SRBD1: variants seen among roughly 807,000 people sequenced by gnomAD.
The protein encoded by SRBD1 is S1 RNA binding domain 1, also known as S1 RNA-binding domain-containing protein 1.
SRBD1 carries 88 observed loss-of-function variants against 115.3 expected under a neutral mutation model. The ratio of observed to expected loss-of-function variants is 0.76; its 90% confidence interval spans 0.64 to 0.91. The LOEUF (loss-of-function observed/expected upper bound fraction) is 0.91, where lower values mean the gene tolerates loss of function less well. SRBD1 is among the 40% of genes least tolerant of loss of function. The pLI is 0.00. For synonymous variants in SRBD1, 509 were observed against 407.7 expected (o/e 1.25, Z -2.99); for missense variants, 1,385 against 1,177.4 (o/e 1.18, Z -2.58).
rs1672167039 is a variant in SRBD1 at position 45,547,733 on chromosome 2, G to GCC, written c.1676-122_1676-121insGG. 1.1e-4 allele frequency: 79 copies of GCC among 704,148 alleles called. 1 individual carries two copies. The South Asian group carries it at 1.5e-3, about 14-fold the overall frequency. The allele number at this position is 704,148 out of a possible 1,614,324, so 43.6% of individuals were successfully genotyped here. ...TGGCTTGTTTTTTATAATGAAGTCTGAACTATTCATATTCACTAAATCAGA... is the reference window on the plus strand; with the variant it reads ...TGGCTTGTTTTTTATAATGAAGTCTGCCAACTATTCATATTCACTAAATCAGA... On this transcript the variant is annotated intron_variant, in intron 12 of 20. Coordinates refer to ENST00000263736, the MANE Select transcript of SRBD1 (RefSeq NM_018079.5).
At chr2:45,578,702 G>A (rs187617453) in intron 7 of SRBD1, among the ~76,000 whole-genome samples, 68 of 152,280 alleles carry the variant, frequency 4.5e-4, no homozygotes, top group Non-Finnish European at 8.5e-4. Context: ...GGAGGTGGGG[G>A]CGGGGTGGAA....
At chr2:45,543,110 C>T (rs907559313) in intron 14 of SRBD1, among the ~76,000 whole-genome samples, 3 of 152,188 alleles carry the variant, frequency 2.0e-5, no homozygotes, top group Admixed American at 6.5e-5. Flanking sequence ...GAATTTTTCA[C>T]GAACATTTTC....
At chr2:45,539,603 C>T (rs749109163) in intron 14 of SRBD1, among the ~76,000 whole-genome samples, 2 of 152,170 alleles carry the variant, frequency 1.3e-5, no homozygotes, top group South Asian at 4.1e-4. Context: ...GAATATGGAA[C>T]TATAAGCCAT....
At chr2:45,575,479 T>C (rs1328625452) in intron 7 of SRBD1, among the ~76,000 whole-genome samples, 3 of 152,246 alleles carry the variant, frequency 2.0e-5, no homozygotes, top group African/African-American at 4.8e-5. Context: ...GAAACGTTTT[T>C]TGCACTAAAC....
At chr2:45,455,057 C>T (rs1669111534) in intron 16 of SRBD1, among the ~76,000 whole-genome samples, 1 of 151,858 alleles carries the variant, frequency 6.6e-6, no homozygotes, top group Non-Finnish European at 1.5e-5. Context: ...ACCCACCACA[C>T]ACACAATTCC....
intron 19 of SRBD1, among the ~76,000 whole-genome samples, chr2:45,411,151 G>C (rs1667590366): frequency 6.6e-6 from 1 of 152,126 alleles, no homozygotes; most frequent in Admixed American, 6.5e-5. Flanking sequence ...GGTAGATAGT[G>C]TCAGAAATTA....
intron 19 of SRBD1, among the ~76,000 whole-genome samples, chr2:45,403,755 G>A (rs1386490062): frequency 1.3e-5 from 2 of 152,054 alleles, no homozygotes; most frequent in African/African-American, 4.8e-5. Context: ...GTATGGTGGA[G>A]TAACCAAGGG....
At chr2:45,573,476 A>G in intron 8 of SRBD1, 134 bp from the exon 9 acceptor site, 1 of 995,614 alleles carries the variant, frequency 1.0e-6, no homozygotes, top group Non-Finnish European at 1.4e-6. Flanking sequence ...CCCAGCTATG[A>G]AATTGATATT....
chr2:45,589,934 A>C (rs1673665735), intron 4 of SRBD1, among the ~76,000 whole-genome samples: 1 of 152,214 alleles, frequency 6.6e-6, no homozygotes, highest in Non-Finnish European at 1.5e-5. Flanking sequence ...TCATACTCTG[A>C]CAGAAGTGTA....
At chr2:45,513,343 T>TGTAGTCTA (rs1397032151) in intron 14 of SRBD1, among the ~76,000 whole-genome samples, 3 of 152,122 alleles carry the variant, frequency 2.0e-5, no homozygotes. Flanking sequence ...ATATATGGTA[T>TGTAGTCTA]GTAGTCTAGT....
intron 14 of SRBD1, among the ~76,000 whole-genome samples, chr2:45,504,630 AACAGGT>A (rs1259316770): frequency 2.0e-5 from 3 of 152,190 alleles, no homozygotes; most frequent in Admixed American, 2.0e-4. Flanking sequence ...TCCTTCCTTA[AACAGGT>A]AGCTATCAAT....
Position 45,534,051 on chromosome 2 carries a change from A to C in SRBD1, c.1874+12681T>G, listed in dbSNP as rs554963797. Among the ~76,000 whole-genome samples, 3 of 152,150 alleles carry C rather than the reference A, an allele frequency of 2.0e-5. No individual in the cohort carries two copies. The East Asian group carries it at 5.8e-4, about 29-fold the overall frequency. ...GTGGGGTAACTCCTGCAGATATTTA[A>C]ATTGGACTTACGAACACAAAAACAC... is the stretch of plus-strand genomic sequence containing the variant. On this transcript the variant is annotated intron_variant, in intron 14 of 20. Transcript: ENST00000263736.
chr2:45,455,784 G>T (rs1006448697), intron 16 of SRBD1, among the ~76,000 whole-genome samples: 1 of 151,750 alleles, frequency 6.6e-6, no homozygotes, highest in African/African-American at 2.4e-5. Context: ...AATAACAGTG[G>T]TGATTTTGTG....
intron 14 of SRBD1, among the ~76,000 whole-genome samples, chr2:45,520,227 T>C (rs1000756538): frequency 3.9e-5 from 6 of 152,230 alleles, no homozygotes; most frequent in African/African-American, 1.2e-4. Flanking sequence ...GGTACTTTTG[T>C]GCTGTTACTG....
intron 18 of SRBD1, among the ~76,000 whole-genome samples, chr2:45,415,411 T>TATAGTGTGTATATGTGTATATACACAC (rs1667786742): frequency 8.9e-6 from 1 of 111,984 alleles, no homozygotes; most frequent in African/African-American, 4.1e-5. Flanking sequence ...TATACACACA[T>TATAGTGTGTATATGTGTATATACACAC]ATAGTGTGTA....
chr2:45,456,748 C>G (rs1441665720), intron 16 of SRBD1, among the ~76,000 whole-genome samples: 3 of 151,834 alleles, frequency 2.0e-5, no homozygotes, highest in African/African-American at 7.2e-5. Flanking sequence ...ATCTATAACC[C>G]TGTGTCAACA....
intron 9 of SRBD1, among the ~76,000 whole-genome samples, chr2:45,568,184 A>G (rs1028347947): frequency 6.6e-6 from 1 of 152,354 alleles, no homozygotes; most frequent in Non-Finnish European, 1.5e-5. Flanking sequence ...TTACAAATTC[A>G]TGTGGTAGAA....
At chr2:45,489,632 C>G (rs1196662079) in intron 14 of SRBD1, among the ~76,000 whole-genome samples, 1 of 152,110 alleles carries the variant, frequency 6.6e-6, no homozygotes, top group Non-Finnish European at 1.5e-5. Flanking sequence ...ACAATAACAG[C>G]TGAGTGCATA....
At chr2:45,494,643 C>T (rs925588080) in intron 14 of SRBD1, among the ~76,000 whole-genome samples, 1 of 152,012 alleles carries the variant, frequency 6.6e-6, no homozygotes, top group African/African-American at 2.4e-5. Context: ...TGGTCCTTGC[C>T]CTCTTGAATT....
Sources: allele counts gnomAD v4.1 joint callset (sites outside exome capture counted in the v4.1 genomes callset), GRCh38; gene constraint gnomAD v4.1.1; transcripts MANE v1.5; gene names NCBI Gene and HGNC (gene_info 2026-07-23, HGNC 2026-07-21).